The following CSTB variants were observed in gnomAD, a reference collection of about 807,000 sequenced individuals.
CSTB encodes cystatin B, also known as cystatin-B.
A neutral mutation model predicts 7.6 loss-of-function variants in CSTB; 8 were observed. The ratio of observed to expected loss-of-function variants is 1.05; its 90% CI spans 0.62 to 1.89. The LOEUF (loss-of-function observed/expected upper bound fraction) is 1.89, where lower values mean the gene tolerates loss of function less well. CSTB is among the 40% of genes most tolerant of loss of function. The probability of loss-of-function intolerance (pLI) is 0.00; values close to 1 mark genes in which losing one functional copy is unlikely to be tolerated. For missense variants in CSTB, 124 were observed against 126.4 expected, an observed-to-expected ratio of 0.98 and a Z score of 0.09; for synonymous variants, 56 against 55.3, an observed-to-expected ratio of 1.01 and a Z score of -0.06.
chr21:43,775,811 C>T (rs541424175), intron 1 of CSTB: 1 of 200,558 alleles, frequency 5.0e-6, no homozygotes, highest in Admixed American at 6.1e-5. Context: ...GCTATCGGAT[C>T]ACCGTGGAGA....
chr21:43,774,461 A>T, intron 2 of CSTB, 131 bp from the exon 3 acceptor site: 1 of 1,439,810 alleles, frequency 6.9e-7, no homozygotes, highest in Non-Finnish European at 9.7e-7. Context: ...CACATCCCAC[A>T]CTTGTTTCCT....
intron 1 of CSTB, 169 bp downstream of exon 1, chr21:43,776,035 T>G: frequency 1.8e-6 from 1 of 545,394 alleles, no homozygotes; most frequent in East Asian, 3.6e-5. Context: ...CCCCCGCTGC[T>G]CACTCGCGCG....
intron 1 of CSTB, chr21:43,775,140 T>G: frequency 3.0e-6 from 1 of 338,900 alleles, no homozygotes; most frequent in Non-Finnish European, 5.7e-6. Context: ...GGAGAATCCC[T>G]TGAACCTGGG....
chr21:43,775,887 G>A (rs1480800025), intron 1 of CSTB: 1 of 301,040 alleles, frequency 3.3e-6, no homozygotes, highest in African/African-American at 2.2e-5. Context: ...CCTGAAACCA[G>A]AAGCGCCTCA....
intron 1 of CSTB, chr21:43,775,603 C>G (rs1321424709): frequency 6.6e-6 from 1 of 152,424 alleles, no homozygotes; most frequent in Non-Finnish European, 1.5e-5. Flanking sequence ...ACCCATGTGC[C>G]TTATCACTGG....
chr21:43,776,157 G>A, intron 1 of CSTB, 47 bp downstream of exon 1: 1 of 1,496,578 alleles, frequency 6.7e-7, no homozygotes, highest in Non-Finnish European at 8.9e-7. Context: ...CGCGCCCTGA[G>A]GCTAAGGCAG....
At chr21:43,775,092 G>A (rs548623225) in intron 1 of CSTB, 154 of 368,552 alleles carry the variant, frequency 4.2e-4, no homozygotes, top group African/African-American at 3.0e-3. Flanking sequence ...GCGTGGTGGC[G>A]AGCACCTGCA....
rs570768038 is a variant in CSTB, at chr21:43,774,306, C to A, written c.193G>T (p.Val65Leu). The change falls in exon 3 of 3, where the codon GTA (valine) becomes TTA (leucine). Residue 65 changes from valine to leucine, a missense_variant. By Grantham distance (32) the Val-to-Leu change is conservative. Transcript: ENST00000291568. ...AGAGATTGGAACACTCGCAGGTGTA[C>A]GAAGTCCTCGTCGCCGACGTGCACC... ...IKVHVGDEDF[V>L]HLRVFQSLPH... 6.2e-7 allele frequency: 1 copy of A among 1,614,052 alleles called. No homozygotes were observed. The highest frequency in any genetic ancestry group is 2.2e-5 in the East Asian group (1 of 44,898).
chr21:43,775,211 A>C, intron 1 of CSTB: 1 of 261,274 alleles, frequency 3.8e-6, no homozygotes, highest in Non-Finnish European at 7.7e-6. Context: ...CAAGAGTGAG[A>C]CTGAGTCTCA....
At chr21:43,776,176 G>A (rs1216573617) in intron 1 of CSTB, 28 bp downstream of exon 1, 10 of 1,523,340 alleles carry the variant, frequency 6.6e-6, no homozygotes, top group South Asian at 2.4e-5. Flanking sequence ...AGGACTCCGG[G>A]CCGGCCCCGT....
intron 2 of CSTB, 72 bp from the exon 3 acceptor site, chr21:43,774,402 A>G (rs1181103269): frequency 2.5e-6 from 4 of 1,608,998 alleles, no homozygotes; most frequent in Non-Finnish European, 3.4e-6. Context: ...GGTCATTAGC[A>G]GCCAGCTGAA....
rs201742249 is a variant in CSTB, at chr21:43,774,927, G to GA, written c.67-169dup. 6,799 of 681,694 alleles carry GA rather than the reference G, an allele frequency of 1.0e-2. 53 individuals are homozygous for GA. Among genetic ancestry groups the GA allele is most frequent in the Non-Finnish European group, 0.013 (5,096 of 378,182 alleles). The allele number at this position is 681,694 out of a possible 1,614,324, so 42.2% of individuals were successfully genotyped here. A position where few individuals can be genotyped will look rare whatever the true frequency, so the allele number is the denominator to read the frequency against. ...AAACTGTCAGCCTAATAATAAAGTA[G>GA]AAAAAAACAGTTCCAGCTGGGTACG... On this transcript the variant is annotated intron_variant, in intron 1 of 2. Coordinates refer to ENST00000291568, the MANE Select transcript of CSTB (RefSeq NM_000100.4).
chr21:43,774,731 TTTTC>T lies in CSTB; in HGVS notation c.91_94del (p.Glu31ThrfsTer49). On this transcript the variant is annotated frameshift_variant, in exon 2 of 3. Transcript: ENST00000291568. LOFTEE classifies it high-confidence loss of function. ...GGCCTTAAACACAGGGAACTTCTTG[TTTTC>T]TTTCTCTTCAAGCTGGGACCTCACC... 2 of 1,614,096 alleles carry T rather than the reference TTTTC, an allele frequency of 1.2e-6. No individual in the cohort carries two copies. The highest frequency in any genetic ancestry group is 1.7e-6 in the Non-Finnish European group (2 of 1,179,984).
intron 2 of CSTB, 36 bp downstream of exon 2, chr21:43,774,622 C>G (rs761992444): frequency 1.3e-6 from 2 of 1,569,806 alleles, no homozygotes; most frequent in Non-Finnish European, 1.8e-6. Context: ...TACCAGCACC[C>G]GTTCGGGGCA....
rs1569005896 is a variant in CSTB at position 43,775,222 on chromosome 21, A to G, written c.67-463T>C. ...TGGGCAAGAGTGAGACTGAGTCTCA[A>G]AAACAAAAAAAAAAAACACAGGCCT... On this transcript the variant is annotated intron_variant, in intron 1 of 2. Transcript: ENST00000291568. The G allele has an allele frequency of 3.7e-5, 9 of 244,828 alleles. 1 individual carries two copies. The highest frequency in any genetic ancestry group is 4.1e-5 in the Non-Finnish European group (5 of 122,006). 15.2% of individuals were successfully genotyped at this position (244,828 alleles called of 1,614,324 possible).
intron 2 of CSTB, 139 bp from the exon 3 acceptor site, chr21:43,774,469 C>A: frequency 7.2e-7 from 1 of 1,395,580 alleles, no homozygotes; most frequent in Non-Finnish European, 1.0e-6. Context: ...ACACTTGTTT[C>A]CTTGGGGTTC....
intron 1 of CSTB, chr21:43,775,114 T>G: frequency 2.8e-6 from 1 of 357,992 alleles, no homozygotes; most frequent in Non-Finnish European, 5.4e-6. Flanking sequence ...TCCCAGCTAC[T>G]CGGGAGGCTA....
At position 43,776,282 on chromosome 21, in the gene CSTB, G is replaced by C. The variant is rs770995817; in HGVS notation, c.-13C>G. 4.3e-5 allele frequency: 66 copies of C among 1,529,302 alleles called. No homozygotes were observed. In the African/African-American group the frequency reaches 7.9e-4, roughly 18 times the overall value. The allele number at this position is 1,529,302 out of a possible 1,614,324, so 94.7% of individuals were successfully genotyped here. On this transcript the variant is annotated 5_prime_UTR_variant, in exon 1 of 3. Transcript: ENST00000291568. ...CCCCGCACATCATCTTGGCGGCGAC[G>C]GAGGGAATCTGGCGAGGGGACTCGG...
At position 43,774,029 on chromosome 21, in the gene CSTB, C is replaced by T. The variant is rs576730070; in HGVS notation, c.*173G>A. 29 of 726,860 alleles carry T rather than the reference C, an allele frequency of 4.0e-5. No individual in the cohort carries two copies. In the South Asian group the frequency reaches 4.5e-4, roughly 11 times the overall value. 45.0% of individuals were successfully genotyped at this position (726,860 alleles called of 1,614,324 possible). On this transcript the variant is annotated 3_prime_UTR_variant, in exon 3 of 3. Transcript: ENST00000291568. Reference sequence around the variant, plus strand: ...ACCTATTGGGAAGGAAAGAAATCAACACAATGAAATTTAGGAAGAGAAATG... The same window carrying T: ...ACCTATTGGGAAGGAAAGAAATCAATACAATGAAATTTAGGAAGAGAAATG...
Sources: allele counts gnomAD v4.1 joint callset, GRCh38; gene constraint gnomAD v4.1.1; transcripts MANE v1.5; gene names NCBI Gene and HGNC (gene_info 2026-07-23, HGNC 2026-07-21).